Variants in DPF3 observed in about 807,000 individuals in gnomAD.
DPF3 encodes zinc finger protein DPF3.
DPF3 carries 18 observed loss-of-function variants against 56.8 expected under a neutral mutation model. The ratio of observed to expected loss-of-function variants is 0.32; its 90% CI spans 0.22 to 0.47. DPF3 has a LOEUF of 0.47. Among genes scored for constraint, DPF3 ranks in the 20% least tolerant of loss-of-function variants. DPF3 has a pLI of 1.00. For synonymous variants in DPF3, 188 were observed against 180.2 expected (o/e 1.04, Z -0.35); for missense variants, 403 against 488.8 (o/e 0.82, Z 1.65).
In DPF3 at chr14:72,742,985, C is replaced by A. The variant is rs573393578; in HGVS notation, c.301+10279G>T. 3.3e-5 allele frequency among the ~76,000 whole-genome samples: 5 copies of A among 152,278 alleles called. No homozygotes were observed. In the South Asian group the frequency reaches 1.0e-3, roughly 32 times the overall value. ...TGCTTGTTGGCCAGCCTGTGGCCCT[C>A]TCTGCTTTGGGACACCTTAAGCCAC... On this transcript the variant is annotated intron_variant, in intron 3 of 10. Coordinates refer to ENST00000556509, the MANE Select transcript of DPF3 (RefSeq NM_001280542.3).
chr14:72,777,340 G>A (rs769417209), intron 1 of DPF3, among the ~76,000 whole-genome samples: 2 of 152,184 alleles, frequency 1.3e-5, no homozygotes, highest in African/African-American at 4.8e-5. Flanking sequence ...AGAATAACTG[G>A]CACACAGGGG....
At chr14:72,791,513 G>C (rs375471886) in intron 1 of DPF3, among the ~76,000 whole-genome samples, 3 of 152,234 alleles carry the variant, frequency 2.0e-5, no homozygotes, top group African/African-American at 4.8e-5. Context: ...CCAAGACTAG[G>C]AGAAAGCAGA....
chr14:72,730,065 A>T (rs1314420096), intron 4 of DPF3, among the ~76,000 whole-genome samples: 1 of 152,070 alleles, frequency 6.6e-6, no homozygotes, highest in Admixed American at 6.6e-5. Context: ...TGTGAACCTA[A>T]AACTGCTGTT....
At chr14:72,837,571 C>T (rs1301469939) in intron 1 of DPF3, among the ~76,000 whole-genome samples, 1 of 152,004 alleles carries the variant, frequency 6.6e-6, no homozygotes, top group Non-Finnish European at 1.5e-5. Flanking sequence ...AACCCCATCT[C>T]TACTAAAAAT....
At chr14:72,799,097 G>A (rs894639463) in intron 1 of DPF3, among the ~76,000 whole-genome samples, 1 of 152,112 alleles carries the variant, frequency 6.6e-6, no homozygotes, top group African/African-American at 2.4e-5. Flanking sequence ...CAAACCACTG[G>A]GCAGGTGGGG....
chr14:72,660,703 C>T (rs1016471295), intron 8 of DPF3, among the ~76,000 whole-genome samples: 7 of 152,204 alleles, frequency 4.6e-5, no homozygotes, highest in Non-Finnish European at 8.8e-5. Context: ...TATACTAAGT[C>T]GGTTCACATA....
chr14:72,872,255 GC>G lies in DPF3; in HGVS notation c.32+21801del, dbSNP rs571162243. 3.7e-3 allele frequency among the ~76,000 whole-genome samples: 556 copies of G among 152,194 alleles called. 4 individuals carry two copies. Among genetic ancestry groups the G allele is most frequent in the Admixed American group, 6.5e-3 (99 of 15,302 alleles). On this transcript the variant is annotated intron_variant, in intron 1 of 10. Coordinates refer to ENST00000556509, the MANE Select transcript of DPF3 (RefSeq NM_001280542.3). Reference sequence around the variant, plus strand: ...CTTCTTTTACCTCCTGGGCCTCCAGGCCTGTGATGGGAGGGGCTGCCGTGAA... The same window carrying G: ...CTTCTTTTACCTCCTGGGCCTCCAGGCTGTGATGGGAGGGGCTGCCGTGAA...
chr14:72,711,472 G>A (rs1392227851), intron 6 of DPF3, among the ~76,000 whole-genome samples: 5 of 152,270 alleles, frequency 3.3e-5, no homozygotes, highest in East Asian at 3.9e-4. Flanking sequence ...GACAGGCTCC[G>A]ACTAGTAAGC....
At chr14:72,683,213 G>C (rs1353311479) in intron 7 of DPF3, among the ~76,000 whole-genome samples, 1 of 151,880 alleles carries the variant, frequency 6.6e-6, no homozygotes, top group East Asian at 1.9e-4. Context: ...TGTAATCCCA[G>C]CTACTCAGGA....
intron 8 of DPF3, among the ~76,000 whole-genome samples, chr14:72,646,795 G>A (rs1226946644): frequency 1.3e-5 from 2 of 152,200 alleles, no homozygotes; most frequent in Non-Finnish European, 2.9e-5. Flanking sequence ...TGCCATTTTG[G>A]CGACCCGGCT....
intron 8 of DPF3, among the ~76,000 whole-genome samples, chr14:72,656,984 T>A (rs961197197): frequency 6.6e-6 from 1 of 152,238 alleles, no homozygotes; most frequent in African/African-American, 2.4e-5. Context: ...GTAGTAGGTC[T>A]GGCATCAGTA....
rs11626844 is a variant in DPF3, at chr14:72,876,869, C to A, written c.32+17188G>T. On this transcript the variant is annotated intron_variant, in intron 1 of 10. Coordinates refer to ENST00000556509, the MANE Select transcript of DPF3 (RefSeq NM_001280542.3). ...CAGCTATTCACCACCTGGAACCTCACGTGAAGCAGCTTCTCTCAGGAATGC... is the reference window on the plus strand; with the variant it reads ...CAGCTATTCACCACCTGGAACCTCAAGTGAAGCAGCTTCTCTCAGGAATGC... 2.2e-4 allele frequency among the ~76,000 whole-genome samples: 34 copies of A among 152,256 alleles called. 2 individuals carry two copies. The South Asian group carries it at 6.8e-3, about 31-fold the overall frequency.
intron 1 of DPF3, among the ~76,000 whole-genome samples, chr14:72,809,134 C>T (rs1882920319): frequency 6.6e-6 from 1 of 152,248 alleles, no homozygotes; most frequent in Admixed American, 6.5e-5. Context: ...TCCCTTTGAC[C>T]TTCCCTGCCA....
intron 1 of DPF3, among the ~76,000 whole-genome samples, chr14:72,809,380 C>G (rs570856236): frequency 5.3e-4 from 81 of 152,342 alleles, no homozygotes; most frequent in African/African-American, 1.9e-3. Flanking sequence ...CATCTAGGAC[C>G]TTGGGGAACA....
At chr14:72,669,460 T>G (rs940871599) in intron 8 of DPF3, among the ~76,000 whole-genome samples, 15 of 152,180 alleles carry the variant, frequency 9.9e-5, no homozygotes, top group African/African-American at 3.6e-4. Context: ...ATCAGGGATC[T>G]TCTTTAATTT....
rs1475513457 is a variant in DPF3, at chr14:72,731,890, T to C, written c.346A>G (p.Thr116Ala). The C allele has an allele frequency of 6.2e-7, 1 of 1,606,392 alleles. No individual in the cohort carries two copies. The highest frequency in any genetic ancestry group is 8.5e-7 in the Non-Finnish European group (1 of 1,176,382). The change falls in exon 4 of 11, where the codon ACC (threonine) becomes GCC (alanine). Residue 116 changes from threonine to alanine, a missense_variant. Coordinates refer to ENST00000556509, the MANE Select transcript of DPF3 (RefSeq NM_001280542.3). ...CCACGGAGCAAGGCTTCCAGCGTGG[T>C]GCTCTCTGAGGTGAACCCATCCTTC... The part of the protein sequence containing the change: ...LKKDGFTSES[T>A]TLEALLRGEG...
chr14:72,750,109 T>C (rs1890504444), intron 3 of DPF3, among the ~76,000 whole-genome samples: 1 of 152,184 alleles, frequency 6.6e-6, no homozygotes, highest in African/African-American at 2.4e-5. Context: ...ATTAGTTTTA[T>C]GATCATAAAA....
chr14:72,721,364 G>A (rs1256976933), intron 5 of DPF3, among the ~76,000 whole-genome samples: 11 of 152,190 alleles, frequency 7.2e-5, no homozygotes, highest in Admixed American at 7.2e-4. Flanking sequence ...TCCCACACTT[G>A]CATCAGTTTG....
chr14:72,798,127 G>A (rs773603666), intron 1 of DPF3, among the ~76,000 whole-genome samples: 5 of 151,746 alleles, frequency 3.3e-5, no homozygotes, highest in African/African-American at 9.7e-5. Flanking sequence ...GGTGGCAGGC[G>A]CCTGTAATCC....
Sources: gnomAD v4.1 joint callset for allele counts (sites outside exome capture counted in the v4.1 genomes callset) on GRCh38, gnomAD v4.1.1 for gene constraint, MANE v1.5 for transcripts, NCBI Gene and HGNC (gene_info 2026-07-23, HGNC 2026-07-21) for gene names.